CSMD1: variants seen among roughly 807,000 people sequenced by gnomAD.
CSMD1 encodes CUB and Sushi multiple domains 1, also known as CUB and sushi domain-containing protein 1.
In CSMD1, 213 loss-of-function variants were observed where a neutral mutation model predicts 417.5. The observed-to-expected ratio is 0.51, with a 90% confidence interval of 0.46 to 0.57. CSMD1 has a LOEUF of 0.57. Ranked by LOEUF, CSMD1 falls within the 20% of genes least tolerant of loss-of-function variation. The pLI, the probability that CSMD1 is intolerant of heterozygous loss-of-function variation, is 0.00. For missense variants in CSMD1, 6,923 were observed against 4,529.7 expected, an observed-to-expected ratio of 1.53 and a Z score of -15.17; for synonymous variants, 2,862 against 1,736.8, an observed-to-expected ratio of 1.65 and a Z score of -16.11.
At chr8:4,460,966 A>C (rs1353555101) in intron 2 of CSMD1, among the ~76,000 whole-genome samples, 1 of 152,112 alleles carries the variant, frequency 6.6e-6, no homozygotes, top group Non-Finnish European at 1.5e-5. Context: ...TTATAGATAG[A>C]AACTACAGAC....
At chr8:4,625,930 G>T (rs543128286) in intron 2 of CSMD1, among the ~76,000 whole-genome samples, 1 of 152,050 alleles carries the variant, frequency 6.6e-6, no homozygotes, top group Non-Finnish European at 1.5e-5. Flanking sequence ...CACCATGTTG[G>T]CCAGGCTGGT....
Position 4,420,041 on chromosome 8 carries a change from G to A in CSMD1, c.327C>T (p.Ser109=). The A allele has an allele frequency of 3.8e-6, 6 of 1,574,618 alleles. No homozygotes were observed. Among genetic ancestry groups the A allele is most frequent in the Non-Finnish European group, 5.2e-6 (6 of 1,158,588 alleles). ...GGATAGATCCTGTACTCACTATAGA[G>A]GAGGGCAGCTGAAATCCCGATAATC... is the stretch of plus-strand genomic sequence containing the variant. ...KVRLSGFQLP[S]SIVSTGSILT... The change falls in exon 3 of 70, where the codon TCC becomes TCT. Residue 109 remains serine (S), a synonymous_variant. Transcript: ENST00000635120.
intron 51 of CSMD1, among the ~76,000 whole-genome samples, chr8:3,028,418 C>G (rs1451717295): frequency 2.6e-5 from 4 of 152,134 alleles, no homozygotes; most frequent in Non-Finnish European, 4.4e-5. Flanking sequence ...AACCAGGACA[C>G]CGTTCAGAGT....
intron 1 of CSMD1, among the ~76,000 whole-genome samples, chr8:4,911,244 A>G (rs1805651502): frequency 6.6e-6 from 1 of 152,242 alleles, no homozygotes; most frequent in South Asian, 2.1e-4. Context: ...TCAGTTTCAA[A>G]TGACCTTTGT....
chr8:4,384,016 C>G (rs1282178936), intron 3 of CSMD1, among the ~76,000 whole-genome samples: 1 of 150,834 alleles, frequency 6.6e-6, no homozygotes, highest in Non-Finnish European at 1.5e-5. Context: ...CCAGGGACCA[C>G]CCCCCGCCTC....
At chr8:3,728,145 G>A (rs917077758) in intron 6 of CSMD1, among the ~76,000 whole-genome samples, 4 of 152,184 alleles carry the variant, frequency 2.6e-5, no homozygotes, top group Non-Finnish European at 4.4e-5. Flanking sequence ...CCCAGTGGGA[G>A]ATAAATGAAT....
At chr8:4,409,937 C>G (rs1240125975) in intron 3 of CSMD1, among the ~76,000 whole-genome samples, 2 of 151,958 alleles carry the variant, frequency 1.3e-5, no homozygotes, top group Non-Finnish European at 2.9e-5. Flanking sequence ...CCTCAGCTTC[C>G]CAAGTAGCTG....
intron 5 of CSMD1, among the ~76,000 whole-genome samples, chr8:3,981,676 G>T (rs932605510): frequency 3.3e-5 from 5 of 151,740 alleles, no homozygotes; most frequent in African/African-American, 7.3e-5. Flanking sequence ...CTTCTTTGAC[G>T]TTAATTGTGC....
intron 1 of CSMD1, among the ~76,000 whole-genome samples, chr8:4,932,523 C>T (rs1012504851): frequency 6.6e-6 from 1 of 152,078 alleles, no homozygotes; most frequent in African/African-American, 2.4e-5. Context: ...TGAACGTATT[C>T]ACCTAGAAGC....
At chr8:4,907,571 G>C (rs545183933) in intron 1 of CSMD1, among the ~76,000 whole-genome samples, 40 of 152,008 alleles carry the variant, frequency 2.6e-4, no homozygotes, top group Non-Finnish European at 5.6e-4. Flanking sequence ...TGTTTTATTG[G>C]TTTTTTGAGA....
At chr8:3,885,470 T>G (rs529296240) in intron 5 of CSMD1, among the ~76,000 whole-genome samples, 1 of 152,294 alleles carries the variant, frequency 6.6e-6, no homozygotes, top group Admixed American at 6.5e-5. Context: ...AATTTCTGCT[T>G]TTCTCAGAGA....
intron 46 of CSMD1, among the ~76,000 whole-genome samples, chr8:3,102,624 A>G (rs936802722): frequency 3.3e-5 from 5 of 152,244 alleles, no homozygotes; most frequent in African/African-American, 1.2e-4. Flanking sequence ...TGCAAAGATA[A>G]CAGCATGCAC....
intron 26 of CSMD1, among the ~76,000 whole-genome samples, chr8:3,279,792 C>G (rs533179818): frequency 6.6e-6 from 1 of 152,194 alleles, no homozygotes; most frequent in African/African-American, 2.4e-5. Context: ...AGGAGAAATG[C>G]CAGACCCTTA....
chr8:4,147,492 A>G (rs1000678671), intron 3 of CSMD1, among the ~76,000 whole-genome samples: 2 of 152,024 alleles, frequency 1.3e-5, no homozygotes, highest in African/African-American at 2.4e-5. Flanking sequence ...TTGTGCTCCC[A>G]CCACAATCTG....
At chr8:3,439,317 TTTTAA>T (rs1472616703) in intron 12 of CSMD1, among the ~76,000 whole-genome samples, 1 of 77,202 alleles carries the variant, frequency 1.3e-5, no homozygotes. Context: ...ATATTTTTTT[TTTTAA>T]TATGTATTTT....
At chr8:4,492,984 C>T (rs975901066) in intron 2 of CSMD1, among the ~76,000 whole-genome samples, 1 of 152,156 alleles carries the variant, frequency 6.6e-6, no homozygotes, top group African/African-American at 2.4e-5. Flanking sequence ...TCTCAACACC[C>T]AATTCCGATC....
intron 49 of CSMD1, among the ~76,000 whole-genome samples, chr8:3,055,860 G>C (rs1428632314): frequency 1.3e-5 from 2 of 152,272 alleles, no homozygotes; most frequent in African/African-American, 2.4e-5. Context: ...TGTGGCTTCA[G>C]CTAACTTACT....
At chr8:4,352,136 C>T (rs1043836352) in intron 3 of CSMD1, among the ~76,000 whole-genome samples, 1 of 152,068 alleles carries the variant, frequency 6.6e-6, no homozygotes, top group Admixed American at 6.6e-5. Context: ...GGCCTGTGGC[C>T]CCAACTCAGA....
chr8:4,764,236 T>C (rs1412701790), intron 1 of CSMD1, among the ~76,000 whole-genome samples: 4 of 152,220 alleles, frequency 2.6e-5, no homozygotes, highest in Non-Finnish European at 5.9e-5. Context: ...GACAGTCGTA[T>C]TGTACAGAGA....
Sources: gnomAD v4.1 joint callset for allele counts (sites outside exome capture counted in the v4.1 genomes callset) on GRCh38, gnomAD v4.1.1 for gene constraint, MANE v1.5 for transcripts, NCBI Gene and HGNC (gene_info 2026-07-23, HGNC 2026-07-21) for gene names.